Variants in PLEKHA7 observed in about 807,000 individuals in gnomAD.
PLEKHA7 encodes pleckstrin homology domain-containing family A member 7.
In PLEKHA7, 104 loss-of-function variants were observed where a neutral mutation model predicts 170.0. That is an observed-to-expected ratio of 0.61 (90% CI 0.52 to 0.72). The LOEUF is 0.72. Among genes scored for constraint, PLEKHA7 ranks in the 30% least tolerant of loss-of-function variants. PLEKHA7 has a pLI of 0.00. For missense variants in PLEKHA7, 1,615 were observed against 1,671.7 expected (o/e 0.97, Z 0.59); for synonymous variants, 648 against 660.8 (o/e 0.98, Z 0.30).
chr11:16,979,784 C>A (rs1863305895), intron 3 of PLEKHA7, among the ~76,000 whole-genome samples: 1 of 152,072 alleles, frequency 6.6e-6, no homozygotes, highest in African/African-American at 2.4e-5. Context: ...TGAGTCGCAG[C>A]AATTCTCTTT....
intron 3 of PLEKHA7, among the ~76,000 whole-genome samples, chr11:16,938,437 G>A (rs933255928): frequency 6.6e-6 from 1 of 151,820 alleles, no homozygotes; most frequent in Non-Finnish European, 1.5e-5. Flanking sequence ...ACATTTACTG[G>A]TCTATTAATA....
intron 3 of PLEKHA7, among the ~76,000 whole-genome samples, chr11:16,969,924 T>G (rs147922593): frequency 2.0e-5 from 3 of 152,150 alleles, no homozygotes; most frequent in Non-Finnish European, 4.4e-5. Flanking sequence ...ACATACACTA[T>G]TAAGAGGATT....
intron 3 of PLEKHA7, among the ~76,000 whole-genome samples, chr11:16,921,514 G>A (rs891825907): frequency 3.9e-5 from 6 of 152,222 alleles, no homozygotes; most frequent in African/African-American, 1.4e-4. Flanking sequence ...GTCAGTGGAA[G>A]AAAGGCAGCA....
At chr11:16,788,808 G>A (rs1049815645) in intron 23 of PLEKHA7, 13 of 510,596 alleles carry the variant, frequency 2.5e-5, no homozygotes, top group South Asian at 5.0e-5. Context: ...CCGAGATTCC[G>A]AACGCCTGCA....
intron 10 of PLEKHA7, among the ~76,000 whole-genome samples, chr11:16,821,890 A>G (rs1850243193): frequency 6.6e-6 from 1 of 152,102 alleles, no homozygotes; most frequent in Non-Finnish European, 1.5e-5. Context: ...TGCTTGCCCT[A>G]CTGGAATGAA....
intron 3 of PLEKHA7, among the ~76,000 whole-genome samples, chr11:16,900,984 A>G (rs1254503940): frequency 1.3e-5 from 2 of 151,804 alleles, no homozygotes; most frequent in Non-Finnish European, 1.5e-5. Flanking sequence ...AGCTGGGATT[A>G]TAGGCGCCCG....
chr11:16,816,310 C>T, intron 11 of PLEKHA7, 46 bp from the exon 12 acceptor site: 2 of 1,455,914 alleles, frequency 1.4e-6, no homozygotes, highest in Non-Finnish European at 9.6e-7. Context: ...CAAACCTCTG[C>T]CACTCACTCC....
Position 16,790,864 on chromosome 11 carries a change from C to A in PLEKHA7, c.2986G>T (p.Asp996Tyr). 1 of 1,611,226 alleles carries A rather than the reference C, an allele frequency of 6.2e-7. No homozygotes were observed. ...AGTCCTAGGGAGGGCTGGGCCATGT[C>A]CCCGCTGAGGGTCGCCAGCTCAGGC... Reference protein sequence around the residue: ...SEPELATLSGDMAQPSLGLVG... With the variant: ...SEPELATLSGYMAQPSLGLVG... Residue 996 changes from aspartate (D) to tyrosine (Y), a missense_variant, in exon 21 of 27, where the codon GAC becomes TAC. Transcript: ENST00000531066.
At chr11:17,006,522 G>A (rs1362885137) in intron 3 of PLEKHA7, among the ~76,000 whole-genome samples, 6 of 151,008 alleles carry the variant, frequency 4.0e-5, no homozygotes, top group Non-Finnish European at 5.9e-5. Flanking sequence ...CAGCTACTCA[G>A]GAGGCTGAGG....
chr11:16,953,488 A>G (rs1861525554), intron 3 of PLEKHA7, among the ~76,000 whole-genome samples: 1 of 152,236 alleles, frequency 6.6e-6, no homozygotes, highest in Non-Finnish European at 1.5e-5. Flanking sequence ...AAAAGATTAA[A>G]TAAGCTAAAC....
In PLEKHA7 at chr11:16,854,756, A is replaced by G. The variant is rs924582909; in HGVS notation, c.522+133T>C. On this transcript the variant is annotated intron_variant, in intron 6 of 26. Transcript: ENST00000531066. The stretch of plus-strand genomic sequence containing the variant: ...CGGCAAATAATGCAGTGCAGCAGGT[A>G]GAATCCAGCTGCCTCAGACAAACTC... 9.9e-6 allele frequency: 7 copies of G among 707,976 alleles called. 1 individual carries two copies. The highest frequency in any genetic ancestry group is 7.0e-5 in the South Asian group (4 of 57,394). The allele number at this position is 707,976 out of a possible 1,614,324, so 43.9% of individuals were successfully genotyped here.
chr11:16,988,582 A>C (rs927325744), intron 3 of PLEKHA7, among the ~76,000 whole-genome samples: 5 of 152,052 alleles, frequency 3.3e-5, no homozygotes, highest in Non-Finnish European at 7.4e-5. Context: ...AAGTAGCTGG[A>C]ATTACAGGCA....
intron 6 of PLEKHA7, among the ~76,000 whole-genome samples, chr11:16,854,651 C>T (rs1853275864): frequency 6.6e-6 from 1 of 152,210 alleles, no homozygotes; most frequent in South Asian, 2.1e-4. Flanking sequence ...CAGCCAATAG[C>T]ACCAGGGGCC....
chr11:17,009,770 G>C (rs78301876), intron 3 of PLEKHA7, among the ~76,000 whole-genome samples: 2 of 151,966 alleles, frequency 1.3e-5, no homozygotes, highest in East Asian at 1.9e-4. Context: ...CAAGTTGCTA[G>C]GATTACAGGA....
At chr11:16,917,755 G>A (rs1052251378) in intron 3 of PLEKHA7, among the ~76,000 whole-genome samples, 2 of 152,186 alleles carry the variant, frequency 1.3e-5, no homozygotes, top group South Asian at 2.1e-4. Flanking sequence ...ATTAGCACAT[G>A]GACATCTTTT....
At chr11:16,943,564 C>T (rs756627292) in intron 3 of PLEKHA7, among the ~76,000 whole-genome samples, 4 of 152,158 alleles carry the variant, frequency 2.6e-5, no homozygotes, top group Non-Finnish European at 5.9e-5. Context: ...GTCAAATCAA[C>T]CACAGGCTTC....
chr11:16,789,348 G>T lies in PLEKHA7; in HGVS notation c.3157-52C>A. Reference sequence around the variant, plus strand: ...GACACAGAACAGCTGGGCTGGGCACGCAGAGGACAGCCACCCTGCTGGCTG... The same window carrying T: ...GACACAGAACAGCTGGGCTGGGCACTCAGAGGACAGCCACCCTGCTGGCTG... On this transcript the variant is annotated intron_variant, in intron 22 of 26. Transcript: ENST00000531066. The surrounding 1 kb of genome is among the most constrained non-coding windows in gnomAD (Gnocchi z 4.6). 6.5e-7 allele frequency: 1 copy of T among 1,533,290 alleles called. No homozygotes were observed. The allele number at this position is 1,533,290 out of a possible 1,614,324, so 95.0% of individuals were successfully genotyped here. A position where few individuals can be genotyped will look rare whatever the true frequency, so the allele number is the denominator to read the frequency against.
chr11:16,898,387 AGATTT>A (rs1233738138), intron 3 of PLEKHA7, among the ~76,000 whole-genome samples: 1 of 152,236 alleles, frequency 6.6e-6, no homozygotes, highest in African/African-American at 2.4e-5. Flanking sequence ...GCCCAAGATT[AGATTT>A]GAGTGTTCAG....
At chr11:16,800,061 A>C (rs1848487425) in intron 17 of PLEKHA7, among the ~76,000 whole-genome samples, 1 of 152,238 alleles carries the variant, frequency 6.6e-6, no homozygotes, top group Admixed American at 6.5e-5. Context: ...GGTTAGAACT[A>C]TCTTATCAGT....
Sources: gnomAD v4.1 joint callset for allele counts (sites outside exome capture counted in the v4.1 genomes callset) on GRCh38, gnomAD v4.1.1 for gene constraint, Gnocchi (gnomAD v3.1) non-coding constraint, MANE v1.5 for transcripts, NCBI Gene and HGNC (gene_info 2026-07-23, HGNC 2026-07-21) for gene names.